PCSK5: variants seen among roughly 807,000 people sequenced by gnomAD.
PCSK5 encodes the protein prohormone convertase 5.
Under a neutral mutation model 233.2 loss-of-function variants are expected in PCSK5, and 129 were observed. The ratio of observed to expected loss-of-function variants is 0.55; its 90% CI spans 0.48 to 0.64. PCSK5 has a LOEUF of 0.64. PCSK5 is among the 30% of genes least tolerant of loss of function. The pLI, the probability that PCSK5 is intolerant of heterozygous loss-of-function variation, is 0.00. For synonymous variants in PCSK5, 825 were observed against 879.2 expected (o/e 0.94, Z 1.09); for missense variants, 2,076 against 2,430.1 (o/e 0.85, Z 3.06).
At chr9:76,050,397 A>G (rs1336112083) in intron 5 of PCSK5, among the ~76,000 whole-genome samples, 18 of 152,310 alleles carry the variant, frequency 1.2e-4, no homozygotes, top group Admixed American at 1.1e-3. Context: ...TTATAATTTG[A>G]TACAGGTCAT....
intron 24 of PCSK5, among the ~76,000 whole-genome samples, chr9:76,254,861 C>T (rs923929100): frequency 2.0e-5 from 3 of 152,184 alleles, no homozygotes; most frequent in Non-Finnish European, 4.4e-5. Context: ...CATGCAAATG[C>T]GATAGGCCAG....
chr9:76,254,361 T>C (rs924777259), intron 24 of PCSK5, among the ~76,000 whole-genome samples: 1 of 152,220 alleles, frequency 6.6e-6, no homozygotes, highest in Non-Finnish European at 1.5e-5. Context: ...GTGCCCGATA[T>C]GCTTCAATAA....
chr9:76,149,535 G>A (rs919051734), intron 10 of PCSK5, among the ~76,000 whole-genome samples: 5 of 152,104 alleles, frequency 3.3e-5, no homozygotes, highest in East Asian at 1.9e-4. Flanking sequence ...TTTGGCTGCC[G>A]GCTAACCAAA....
intron 5 of PCSK5, among the ~76,000 whole-genome samples, chr9:76,064,948 A>T (rs879774684): frequency 2.6e-5 from 4 of 152,186 alleles, no homozygotes; most frequent in Non-Finnish European, 5.9e-5. Flanking sequence ...TGGCCTCCCA[A>T]AGTGTTGGGA....
chr9:76,056,357 C>T (rs986694918), intron 5 of PCSK5, among the ~76,000 whole-genome samples: 2 of 151,978 alleles, frequency 1.3e-5, no homozygotes, highest in African/African-American at 4.8e-5. Context: ...TGTTTCCATC[C>T]ACATTAACAG....
intron 22 of PCSK5, among the ~76,000 whole-genome samples, chr9:76,238,714 C>G (rs1826331872): frequency 6.6e-6 from 1 of 152,222 alleles, no homozygotes; most frequent in South Asian, 2.1e-4. Context: ...AATGACATCC[C>G]AGATAGTAGT....
chr9:75,998,756 T>G (rs17061917), intron 3 of PCSK5, among the ~76,000 whole-genome samples: 3,174 of 152,276 alleles, frequency 0.021, 108 homozygotes, highest in African/African-American at 0.07. Flanking sequence ...ATTACCAACT[T>G]CAATAATTAC....
At chr9:76,133,968 G>C (rs1822867890) in intron 9 of PCSK5, 141 bp from the exon 10 acceptor site, 1 of 611,302 alleles carries the variant, frequency 1.6e-6, no homozygotes. Flanking sequence ...TTGGCATTTG[G>C]TTATCCCAAA....
At position 76,360,205 on chromosome 9, in the gene PCSK5, A is replaced by G. The variant is rs190302978; in HGVS notation, c.*1283A>G. ...ACATTTTCAGAGAATGATGATAATT[A>G]TAATCTATTGCACACCTACTACCAG... On this transcript the variant is annotated 3_prime_UTR_variant, in exon 38 of 38. Transcript: ENST00000674117. The G allele has an allele frequency of 6.6e-6, 1 of 152,338 alleles. No individual in the cohort carries two copies. Among genetic ancestry groups the G allele is most frequent in the Admixed American group, 6.5e-5 (1 of 15,306 alleles). 9.4% of individuals were successfully genotyped at this position (152,338 alleles called of 1,614,324 possible).
chr9:76,356,276 TC>T (rs1830300666), intron 37 of PCSK5, among the ~76,000 whole-genome samples: 1 of 152,136 alleles, frequency 6.6e-6, no homozygotes, highest in African/African-American at 2.4e-5. Flanking sequence ...GCTTTCCTGG[TC>T]CCCCTGCAGC....
At chr9:76,053,520 A>G (rs987232439) in intron 5 of PCSK5, among the ~76,000 whole-genome samples, 2 of 152,202 alleles carry the variant, frequency 1.3e-5, no homozygotes, top group Non-Finnish European at 2.9e-5. Flanking sequence ...TTTGTCGCTT[A>G]GAAATTTCTT....
At chr9:76,202,463 C>T (rs1160323863) in intron 20 of PCSK5, among the ~76,000 whole-genome samples, 1 of 152,216 alleles carries the variant, frequency 6.6e-6, no homozygotes, top group Admixed American at 6.5e-5. Flanking sequence ...TTCCCAGTTC[C>T]CTAGGATAAA....
In PCSK5 at chr9:76,023,860, T is replaced by C; in HGVS notation, c.534T>C (p.His178=). 7 of 1,612,386 alleles carry C rather than the reference T, an allele frequency of 4.3e-6. No homozygotes were observed. The highest frequency in any genetic ancestry group is 5.9e-6 in the Non-Finnish European group (7 of 1,179,332). The change falls in exon 4 of 38, where the codon CAT becomes CAC. Residue 178 remains histidine, a synonymous_variant. Transcript: ENST00000674117. ...TILDDGIERT[H]PDLMQNYDAL... ...TGGATGACGGAATTGAGAGAACCCATCCAGATCTGATGCAAAACTACGTGA... is the reference window on the plus strand; with the variant it reads ...TGGATGACGGAATTGAGAGAACCCACCCAGATCTGATGCAAAACTACGTGA...
intron 8 of PCSK5, among the ~76,000 whole-genome samples, chr9:76,101,047 C>G (rs908441178): frequency 6.6e-6 from 1 of 152,204 alleles, no homozygotes; most frequent in African/African-American, 2.4e-5. Flanking sequence ...CCACCACTCT[C>G]TACTCCTTTA....
chr9:75,987,429 C>T (rs1047440532), intron 3 of PCSK5, among the ~76,000 whole-genome samples: 69 of 152,242 alleles, frequency 4.5e-4, no homozygotes, highest in African/African-American at 1.6e-3. Flanking sequence ...GGGGGCGGGT[C>T]TCTTGAGGGC....
intron 27 of PCSK5, 52 bp downstream of exon 27, chr9:76,296,917 T>A (rs1275917551): frequency 1.6e-5 from 18 of 1,160,858 alleles, no homozygotes; most frequent in Non-Finnish European, 2.1e-5. Context: ...CTACTCTGCT[T>A]CCCTCCTTCT....
chr9:75,924,825 A>G (rs1341225785), intron 1 of PCSK5, among the ~76,000 whole-genome samples: 2 of 152,188 alleles, frequency 1.3e-5, no homozygotes, highest in African/African-American at 4.8e-5. Flanking sequence ...CATCTTTTAG[A>G]GTAGTTAGGA....
At chr9:75,965,977 G>A (rs1398684288) in intron 2 of PCSK5, among the ~76,000 whole-genome samples, 1 of 152,150 alleles carries the variant, frequency 6.6e-6, no homozygotes, top group Non-Finnish European at 1.5e-5. Context: ...TGAGCTATCA[G>A]GGACACATTA....
chr9:76,137,109 G>A (rs1823017231), intron 10 of PCSK5, among the ~76,000 whole-genome samples: 1 of 152,110 alleles, frequency 6.6e-6, no homozygotes, highest in African/African-American at 2.4e-5. Context: ...TTACCCACAT[G>A]TGTTATGGAC....
Sources: allele counts gnomAD v4.1 joint callset (sites outside exome capture counted in the v4.1 genomes callset), GRCh38; gene constraint gnomAD v4.1.1; transcripts MANE v1.5; gene names NCBI Gene and HGNC (gene_info 2026-07-23, HGNC 2026-07-21).